The following FSIP2 variants were observed in gnomAD, a reference collection of about 807,000 sequenced individuals.
FSIP2 encodes the protein fibrous sheath interacting protein 2.
In FSIP2, 367 loss-of-function variants were observed where a neutral mutation model predicts 510.5. That is an observed-to-expected ratio of 0.72 (90% CI 0.66 to 0.78). The LOEUF is 0.78. Among genes scored for constraint, FSIP2 ranks in the 30% least tolerant of loss-of-function variants. The pLI is 0.00. For missense variants in FSIP2, 7,594 were observed against 7,901.7 expected, an observed-to-expected ratio of 0.96 and a Z score of 1.48; for synonymous variants, 2,601 against 2,732.2, an observed-to-expected ratio of 0.95 and a Z score of 1.50.
In FSIP2 at chr2:185,833,085, C is replaced by T. The variant is rs780940123; in HGVS notation, c.20588-5C>T. Reference sequence around the variant, plus strand: ...TATCATTCTTCTTGTTTACTTTGTCCACAGAAACTCCCAAGCCCGATGTCT... The same window carrying T: ...TATCATTCTTCTTGTTTACTTTGTCTACAGAAACTCCCAAGCCCGATGTCT... On this transcript the variant is annotated splice_region_variant and splice_polypyrimidine_tract_variant and intron_variant, in intron 22 of 22. Transcript: ENST00000424728. The T allele has an allele frequency of 2.5e-6, 4 of 1,608,938 alleles. No individual in the cohort carries two copies. The highest frequency in any genetic ancestry group is 1.1e-5 in the South Asian group (1 of 90,564).
Position 185,760,975 on chromosome 2 carries a change from C to G in FSIP2, c.1079-13C>G. 1 of 1,115,910 alleles carries G rather than the reference C, an allele frequency of 9.0e-7. No homozygotes were observed. The highest frequency in any genetic ancestry group is 1.2e-6 in the Non-Finnish European group (1 of 803,546). 69.1% of individuals were successfully genotyped at this position (1,115,910 alleles called of 1,614,324 possible). On this transcript the variant is annotated splice_polypyrimidine_tract_variant and intron_variant, in intron 9 of 22. Coordinates refer to ENST00000424728, the MANE Select transcript of FSIP2 (RefSeq NM_173651.4). ...AAAAAAAACTATAGAGTTTCTCTCT[C>G]GTTTTCTTTTAGGACATACAGCAAA...
chr2:185,777,250 T>TC (rs1228397890), intron 13 of FSIP2, among the ~76,000 whole-genome samples: 2 of 152,182 alleles, frequency 1.3e-5, no homozygotes, highest in Non-Finnish European at 2.9e-5. Context: ...CTTCTTTTTT[T>TC]CTCAGCAGAG....
chr2:185,771,606 A>G (rs527359705), intron 13 of FSIP2, among the ~76,000 whole-genome samples: 4 of 152,286 alleles, frequency 2.6e-5, no homozygotes, highest in African/African-American at 9.6e-5. Flanking sequence ...TCTGGCCCCT[A>G]AAACCATTCT....
chr2:185,833,014 T>C, intron 22 of FSIP2, 76 bp from the exon 23 acceptor site: 1 of 1,332,810 alleles, frequency 7.5e-7, no homozygotes, highest in Non-Finnish European at 1.1e-6. Context: ...CTTTTACTCA[T>C]ATGACCTTAG....
Position 185,796,250 on chromosome 2 carries a change from A to T in FSIP2, c.9114A>T (p.Lys3038Asn). The change falls in exon 16 of 23, where the codon AAA becomes AAT. Residue 3038 changes from lysine (K) to asparagine (N), a missense_variant. Lys to Asn is a moderately conservative substitution (Grantham distance 94, BLOSUM62 0). Coordinates refer to ENST00000424728, the MANE Select transcript of FSIP2 (RefSeq NM_173651.4). ...TCCAACAGAAACTGTTAAACAAAAA[A>T]ATGTTGCCAAAATTACAACCACTGA... is the stretch of plus-strand genomic sequence containing the variant. ...SSIQQKLLNKKMLPKLQPLKM... is the reference protein window; with the variant it reads ...SSIQQKLLNKNMLPKLQPLKM... 6.5e-7 allele frequency: 1 copy of T among 1,531,126 alleles called. No homozygotes were observed. The allele number at this position is 1,531,126 out of a possible 1,614,324, so 94.8% of individuals were successfully genotyped here.
At chr2:185,830,491 G>A (rs146776019) in intron 21 of FSIP2, among the ~76,000 whole-genome samples, 38 of 151,744 alleles carry the variant, frequency 2.5e-4, no homozygotes, top group Admixed American at 6.6e-4. Context: ...AAAATTCAGG[G>A]GTGCTCAAGG....
In FSIP2 at chr2:185,808,279, A is replaced by T; in HGVS notation, c.18973A>T (p.Ile6325Phe). The T allele has an allele frequency of 1.2e-6, 2 of 1,601,890 alleles. No homozygotes were observed. The highest frequency in any genetic ancestry group is 1.7e-6 in the Non-Finnish European group (2 of 1,175,928). ...AVKIMEKVIK[I>F]IDELKSKEKS... ...CAAAATTATGGAAAAAGTGATCAAA[A>T]TTATTGATGAACTTAAGTCTAAGGA... Residue 6325 changes from isoleucine to phenylalanine, a missense_variant, in exon 17 of 23, where the codon ATT (isoleucine) becomes TTT (phenylalanine). Physicochemically the swap from Ile to Phe is conservative, Grantham distance 21 (BLOSUM62 0). Coordinates refer to ENST00000424728, the MANE Select transcript of FSIP2 (RefSeq NM_173651.4).
intron 13 of FSIP2, among the ~76,000 whole-genome samples, chr2:185,769,695 C>T (rs560450890): frequency 5.1e-4 from 78 of 152,302 alleles, no homozygotes; most frequent in African/African-American, 1.8e-3. Context: ...AAACCTTCGT[C>T]AGTTCCTATG....
rs1304799051 is a variant in FSIP2, at chr2:185,789,711, G to C, written c.2575G>C (p.Asp859His). The stretch of plus-strand genomic sequence containing the variant: ...GCTTTCCTGCCAGCAACATAAGACA[G>C]ACCCAATATGTATGTTCCTTCAAAG... Reference protein sequence around the residue: ...NKLSCQQHKTDPICMFLQRAG... With the variant: ...NKLSCQQHKTHPICMFLQRAG... Residue 859 changes from aspartate (D) to histidine (H), a missense_variant, in exon 16 of 23, where the codon GAC (aspartate) becomes CAC (histidine). Transcript: ENST00000424728. 1 of 1,534,272 alleles carries C rather than the reference G, an allele frequency of 6.5e-7. No individual in the cohort carries two copies. The highest frequency in any genetic ancestry group is 8.7e-7 in the Non-Finnish European group (1 of 1,145,732).
intron 19 of FSIP2, among the ~76,000 whole-genome samples, chr2:185,816,796 C>CAG (rs1333066716): frequency 1.3e-5 from 2 of 151,546 alleles, no homozygotes; most frequent in Non-Finnish European, 2.9e-5. Context: ...TTCAAAGTTA[C>CAG]AGTGAGCTAT....
In FSIP2 at chr2:185,792,224, T is replaced by C. The variant is rs759298743; in HGVS notation, c.5088T>C (p.Asn1696=). The part of the protein sequence containing the change: ...ILDAVSSDMF[N]EMESEGGGIE... ...ATGCAGTATCTTCCGATATGTTTAA[T>C]GAAATGGAATCTGAAGGGGGAGGCA... is the stretch of plus-strand genomic sequence containing the variant. Residue 1696 remains asparagine, a synonymous_variant, in exon 16 of 23, where the codon AAT becomes AAC. Coordinates refer to ENST00000424728, the MANE Select transcript of FSIP2 (RefSeq NM_173651.4). 22 of 1,533,154 alleles carry C rather than the reference T, an allele frequency of 1.4e-5. No individual in the cohort carries two copies. The South Asian group carries it at 2.5e-4, about 17-fold the overall frequency. The allele number at this position is 1,533,154 out of a possible 1,614,324, so 95.0% of individuals were successfully genotyped here.
At position 185,824,494 on chromosome 2, in the gene FSIP2, T is replaced by C. The variant is rs749355244; in HGVS notation, c.20473+14T>C. On this transcript the variant is annotated intron_variant, in intron 20 of 22. Transcript: ENST00000424728. ...AAATATTAGAAGGTTGGACTCCTTT[T>C]TCTTAAATTAGAGAGTATTTTTTAC... 22 of 1,510,638 alleles carry C rather than the reference T, an allele frequency of 1.5e-5. No individual in the cohort carries two copies. Among genetic ancestry groups the C allele is most frequent in the Non-Finnish European group, 2.0e-5 (22 of 1,099,646 alleles). The allele number at this position is 1,510,638 out of a possible 1,614,324, so 93.6% of individuals were successfully genotyped here. A position where few individuals can be genotyped will look rare whatever the true frequency, so the allele number is the denominator to read the frequency against.
At position 185,796,207 on chromosome 2, in the gene FSIP2, T is replaced by C. The variant is rs1693272388; in HGVS notation, c.9071T>C (p.Ile3024Thr). 4 of 1,530,484 alleles carry C rather than the reference T, an allele frequency of 2.6e-6. No individual in the cohort carries two copies. Among genetic ancestry groups the C allele is most frequent in the South Asian group, 1.2e-5 (1 of 82,832 alleles). The allele number at this position is 1,530,484 out of a possible 1,614,324, so 94.8% of individuals were successfully genotyped here. A position where few individuals can be genotyped will look rare whatever the true frequency, so the allele number is the denominator to read the frequency against. The change falls in exon 16 of 23, where the codon ATA becomes ACA. Residue 3024 changes from isoleucine (I) to threonine (T), a missense_variant. Ile to Thr is a moderately conservative substitution (Grantham distance 89). Transcript: ENST00000424728. ...TTTTCTGAAATTGTGAAAATGCCTATAGAAAACCTTTCTTCTATCCAACAG... is the reference window on the plus strand; with the variant it reads ...TTTTCTGAAATTGTGAAAATGCCTACAGAAAACCTTTCTTCTATCCAACAG... ...YEFSEIVKMP[I>T]ENLSSIQQKL...
chr2:185,781,848 T>C (rs1309316767), intron 13 of FSIP2, among the ~76,000 whole-genome samples: 2 of 151,910 alleles, frequency 1.3e-5, no homozygotes, highest in Non-Finnish European at 2.9e-5. Context: ...GCACTCTTTT[T>C]TTTTTTTGAG....
At position 185,794,331 on chromosome 2, in the gene FSIP2, A is replaced by T; in HGVS notation, c.7195A>T (p.Met2399Leu). The T allele has an allele frequency of 2.0e-6, 3 of 1,517,462 alleles. No homozygotes were observed. Among genetic ancestry groups the T allele is most frequent in the Non-Finnish European group, 2.6e-6 (3 of 1,139,456 alleles). The allele number at this position is 1,517,462 out of a possible 1,614,324, so 94.0% of individuals were successfully genotyped here. The change falls in exon 16 of 23, where the codon ATG becomes TTG. Residue 2399 changes from methionine to leucine, a missense_variant. Transcript: ENST00000424728. ...TGAAATTGTTGACAGTATGTTAAAG[A>T]TGTTAGATGATAAAAGATCTGTAAA... ...VSEIVDSMLK[M>L]LDDKRSVKEI...
At chr2:185,829,868 T>C (rs1230445973) in intron 21 of FSIP2, among the ~76,000 whole-genome samples, 1 of 151,872 alleles carries the variant, frequency 6.6e-6, no homozygotes, top group Non-Finnish European at 1.5e-5. Flanking sequence ...TAATGAGAGT[T>C]AGGCATTGAG....
rs770992587 is a variant in FSIP2, at chr2:185,743,090, GA to G, written c.226-39del. 8.7e-6 allele frequency: 11 copies of G among 1,259,524 alleles called. 1 individual carries two copies. The South Asian group carries it at 1.8e-4, about 21-fold the overall frequency. The allele number at this position is 1,259,524 out of a possible 1,614,324, so 78.0% of individuals were successfully genotyped here. On this transcript the variant is annotated intron_variant, in intron 2 of 22. Transcript: ENST00000424728. ...ATCATTTTGATAGATTATTTAAAGTGAAAATGCATTAATTTTACATATTTTT... is the reference window on the plus strand; with the variant it reads ...ATCATTTTGATAGATTATTTAAAGTGAAATGCATTAATTTTACATATTTTT...
chr2:185,756,383 T>C (rs1265197454), intron 9 of FSIP2, 105 bp downstream of exon 9: 2 of 415,332 alleles, frequency 4.8e-6, no homozygotes, highest in African/African-American at 4.0e-5. Context: ...AATCCTGTTT[T>C]CTTTTTATCA....
intron 12 of FSIP2, 114 bp from the exon 13 acceptor site, chr2:185,764,388 G>A (rs1163930214): frequency 4.9e-5 from 27 of 545,788 alleles, no homozygotes; most frequent in Non-Finnish European, 8.2e-5. Context: ...ACATTAAAGA[G>A]AAATTCTCAA....
Sources: allele counts gnomAD v4.1 joint callset (sites outside exome capture counted in the v4.1 genomes callset), GRCh38; gene constraint gnomAD v4.1.1; transcripts MANE v1.5; gene names NCBI Gene and HGNC (gene_info 2026-07-23, HGNC 2026-07-21).